The following AGT variants were observed in gnomAD, a reference collection of about 807,000 sequenced individuals.
The protein encoded by AGT is alpha-1 antiproteinase, antitrypsin.
In AGT, 26 loss-of-function variants were observed where a neutral mutation model predicts 28.1. The ratio of observed to expected loss-of-function variants is 0.92; its 90% CI spans 0.68 to 1.28. The LOEUF (loss-of-function observed/expected upper bound fraction) is 1.28, where lower values mean the gene tolerates loss of function less well. Ranked by LOEUF, AGT falls within the 50% of genes most tolerant of loss-of-function variation. The probability of loss-of-function intolerance (pLI) is 0.00; values close to 1 mark genes in which losing one functional copy is unlikely to be tolerated. For synonymous variants in AGT, 259 were observed against 259.6 expected (o/e 1.00, Z 0.02); for missense variants, 596 against 592.3 (o/e 1.01, Z -0.06).
chr1:230,730,187 C>T (rs1558293978), intron 1 of AGT, among the ~76,000 whole-genome samples: 1 of 151,880 alleles, frequency 6.6e-6, no homozygotes, highest in Non-Finnish European at 1.5e-5. Context: ...TCCCACAGTG[C>T]TGGGATTACA....
chr1:230,735,108 C>T (rs528026834), intron 1 of AGT, among the ~76,000 whole-genome samples: 18 of 152,200 alleles, frequency 1.2e-4, no homozygotes, highest in Admixed American at 9.8e-4. Context: ...TGGAGGACTG[C>T]GCTTGGTACT....
At chr1:230,726,499 A>C (rs1663944804) in intron 1 of AGT, among the ~76,000 whole-genome samples, 1 of 152,158 alleles carries the variant, frequency 6.6e-6, no homozygotes, top group South Asian at 2.1e-4. Context: ...AGAACCAAAA[A>C]AAAAAGACTT....
chr1:230,722,082 C>T (rs956883073), intron 1 of AGT, among the ~76,000 whole-genome samples: 7 of 152,032 alleles, frequency 4.6e-5, no homozygotes, highest in African/African-American at 1.7e-4. Context: ...GGCCCGCCTG[C>T]TCTGTGCAGC....
At position 230,712,190 on chromosome 1, in the gene AGT, G is replaced by A. The variant is rs539832330; in HGVS notation, c.-30-1337C>T. Among the ~76,000 whole-genome samples the A allele has an allele frequency of 2.2e-4, 34 of 152,218 alleles. 1 individual carries two copies. The South Asian group carries it at 5.0e-3, about 22-fold the overall frequency. ...GGCCAGGCTTCCTTGGAGCTGTAGC[G>A]TGTCATCACTGACTCAAGGCCACCT... On this transcript the variant is annotated intron_variant, in intron 1 of 4. Transcript: ENST00000366667.
chr1:230,733,797 G>A (rs778645133), intron 1 of AGT, among the ~76,000 whole-genome samples: 3 of 152,114 alleles, frequency 2.0e-5, no homozygotes, highest in East Asian at 3.9e-4. Context: ...TTTGAGCACC[G>A]CTGTGAAGAC....
chr1:230,711,080 C>A (rs1470478722), intron 1 of AGT, among the ~76,000 whole-genome samples: 1 of 152,218 alleles, frequency 6.6e-6, no homozygotes, highest in Non-Finnish European at 1.5e-5. Context: ...CCTACCTCCC[C>A]CAACGGCCAT....
chr1:230,742,049 C>A (rs1339026782), intron 1 of AGT, among the ~76,000 whole-genome samples: 1 of 152,010 alleles, frequency 6.6e-6, no homozygotes, highest in African/African-American at 2.4e-5. Context: ...GAGCAAGACT[C>A]CGACTCTAAA....
intron 3 of AGT, 99 bp downstream of exon 3, chr1:230,705,834 C>G (rs1663368070): frequency 6.6e-7 from 1 of 1,522,528 alleles, no homozygotes; most frequent in Non-Finnish European, 9.1e-7. Flanking sequence ...CTGCTCTGCA[C>G]CCAAGGCTCA....
At chr1:230,741,330 C>T (rs188493749) in intron 1 of AGT, among the ~76,000 whole-genome samples, 131 of 152,326 alleles carry the variant, frequency 8.6e-4, no homozygotes, top group African/African-American at 2.7e-3. Context: ...CTGAGAGAAG[C>T]TATAGGCAGC....
At chr1:230,710,896 G>T in intron 1 of AGT, 43 bp from the exon 2 acceptor site, 1 of 1,598,634 alleles carries the variant, frequency 6.3e-7, no homozygotes, top group South Asian at 1.1e-5. Flanking sequence ...GTTATTAACT[G>T]ACCTTTAAGT....
At chr1:230,724,069 A>G (rs1305339642) in intron 1 of AGT, among the ~76,000 whole-genome samples, 1 of 152,238 alleles carries the variant, frequency 6.6e-6, no homozygotes, top group Admixed American at 6.5e-5. Context: ...TCTGGGCTGG[A>G]CCACCATCTG....
In AGT at chr1:230,706,039, C is replaced by G. The variant is rs143215026; in HGVS notation, c.991G>C (p.Ala331Pro). The change falls in exon 3 of 5, where the codon GCC becomes CCC. Residue 331 changes from alanine (A) to proline (P), a missense_variant. Physicochemically the swap from Ala to Pro is conservative, Grantham distance 27. Coordinates refer to ENST00000366667, the MANE Select transcript of AGT (RefSeq NM_001384479.1). ...SVTQVPFTES[A>P]CLLLIQPHYA... ...TGAGGCTGGATCAGCAGCAGGCAGGCGCTCTCAGTGAAGGGCACTTGAGTC... is the reference window on the plus strand; with the variant it reads ...TGAGGCTGGATCAGCAGCAGGCAGGGGCTCTCAGTGAAGGGCACTTGAGTC... The G allele has an allele frequency of 6.2e-7, 1 of 1,614,180 alleles. No individual in the cohort carries two copies. The highest frequency in any genetic ancestry group is 2.2e-5 in the East Asian group (1 of 44,870).
rs12567076 is a variant in AGT, at chr1:230,745,174, G to T, written c.-31+341C>A. Among the ~76,000 whole-genome samples the T allele has an allele frequency of 5.5e-3, 838 of 152,336 alleles. 31 individuals are homozygous for T. In the East Asian group the frequency reaches 0.086, roughly 16 times the overall value. On this transcript the variant is annotated intron_variant, in intron 1 of 4. Coordinates refer to the AGT transcript ENST00000681269. Reference sequence around the variant, plus strand: ...AAGAGACAAAAGAGATGCCTTGCAAGTTGAGGCAAGTCAGGCTCAGAAGGA... The same window carrying T: ...AAGAGACAAAAGAGATGCCTTGCAATTTGAGGCAAGTCAGGCTCAGAAGGA...
chr1:230,719,253 C>T (rs7555650), upstream of AGT, among the ~76,000 whole-genome samples: 28,140 of 151,932 alleles, frequency 0.19, 3,497 homozygotes, highest in East Asian at 0.49. Flanking sequence ...TTAGACATCA[C>T]CTGATACCTC....
intron 1 of AGT, among the ~76,000 whole-genome samples, chr1:230,737,684 G>A (rs1441428859): frequency 3.3e-5 from 5 of 152,132 alleles, no homozygotes; most frequent in African/African-American, 7.2e-5. Flanking sequence ...CACTGTAGGA[G>A]GCAAAATGAG....
At chr1:230,739,602 A>G (rs1422485156) in intron 1 of AGT, among the ~76,000 whole-genome samples, 1 of 152,138 alleles carries the variant, frequency 6.6e-6, no homozygotes, top group African/African-American at 2.4e-5. Context: ...CTTCCGGGGT[A>G]ATTACGGTGC....
At chr1:230,718,840 C>T (rs747400034), upstream of AGT, among the ~76,000 whole-genome samples, 3 of 151,804 alleles carry the variant, frequency 2.0e-5, no homozygotes, top group Non-Finnish European at 4.4e-5. Flanking sequence ...ATCCACCCAC[C>T]TCTGCCTCCC....
At chr1:230,707,947 G>A (rs555838985) in intron 2 of AGT, among the ~76,000 whole-genome samples, 25 of 152,266 alleles carry the variant, frequency 1.6e-4, no homozygotes, top group African/African-American at 6.0e-4. Flanking sequence ...GTACCCTGGA[G>A]CCCATCAGGC....
At chr1:230,704,760 G>A (rs535228263) in intron 3 of AGT, among the ~76,000 whole-genome samples, 8 of 152,208 alleles carry the variant, frequency 5.3e-5, no homozygotes, top group Admixed American at 4.6e-4. Context: ...TGTCAACCTC[G>A]TGCTGGACAC....
Sources: allele counts gnomAD v4.1 joint callset (sites outside exome capture counted in the v4.1 genomes callset), GRCh38; gene constraint gnomAD v4.1.1; transcripts MANE v1.5; gene names NCBI Gene and HGNC (gene_info 2026-07-23, HGNC 2026-07-21).